Variants in LHFPL3 observed in about 807,000 individuals in gnomAD.
LHFPL3 encodes the protein LHFPL tetraspan subfamily member 3, also known as LHFPL tetraspan subfamily member 3 protein.
Under a neutral mutation model 19.3 loss-of-function variants are expected in LHFPL3, and 5 were observed. That is an observed-to-expected ratio of 0.26 (90% CI 0.14 to 0.54). The LOEUF is 0.54. Among genes scored for constraint, LHFPL3 ranks in the 20% least tolerant of loss-of-function variants. LHFPL3 has a pLI of 0.94. For missense variants in LHFPL3, 249 were observed against 307.4 expected (o/e 0.81, Z 1.42); for synonymous variants, 133 against 126.2 (o/e 1.05, Z -0.36).
intron 2 of LHFPL3, among the ~76,000 whole-genome samples, chr7:104,756,478 T>C (rs998740200): frequency 6.6e-6 from 1 of 152,156 alleles, no homozygotes; most frequent in African/African-American, 2.4e-5. Flanking sequence ...CTATATTACA[T>C]TTTAAGCACG....
At chr7:104,331,504 A>T (rs1801566529) in intron 1 of LHFPL3, among the ~76,000 whole-genome samples, 2 of 151,106 alleles carry the variant, frequency 1.3e-5, no homozygotes, top group African/African-American at 4.9e-5. Context: ...TCAAATAAGG[A>T]TCTGTCACTC....
chr7:104,737,666 A>T (rs1383662270), intron 2 of LHFPL3, among the ~76,000 whole-genome samples: 1 of 152,150 alleles, frequency 6.6e-6, no homozygotes, highest in Admixed American at 6.6e-5. Context: ...ATTTTTTGGG[A>T]TAGAATTTTG....
chr7:104,546,908 G>A (rs1328599439), intron 1 of LHFPL3, among the ~76,000 whole-genome samples: 1 of 152,196 alleles, frequency 6.6e-6, no homozygotes, highest in Non-Finnish European at 1.5e-5. Context: ...GAAAATGTAA[G>A]GTTTCTAGCA....
intron 1 of LHFPL3, among the ~76,000 whole-genome samples, chr7:104,459,425 T>G (rs1042902097): frequency 1.3e-5 from 2 of 152,126 alleles, no homozygotes; most frequent in Admixed American, 6.6e-5. Flanking sequence ...TTCAGAGGAG[T>G]CAAGATAATA....
chr7:104,553,061 A>T (rs1043682422), intron 1 of LHFPL3, among the ~76,000 whole-genome samples: 3 of 152,146 alleles, frequency 2.0e-5, no homozygotes, highest in Admixed American at 6.5e-5. Context: ...AACATGTATT[A>T]TGATTATGAT....
chr7:104,576,638 T>C (rs1790344131), intron 1 of LHFPL3, among the ~76,000 whole-genome samples: 2 of 151,932 alleles, frequency 1.3e-5, no homozygotes, highest in African/African-American at 2.4e-5. Context: ...AGAGTTGGGT[T>C]TTTTTGTTTG....
intron 1 of LHFPL3, among the ~76,000 whole-genome samples, chr7:104,535,381 G>C (rs923867058): frequency 2.0e-5 from 3 of 152,144 alleles, no homozygotes; most frequent in Non-Finnish European, 4.4e-5. Context: ...GTATCAAAAT[G>C]CAATTTCCAA....
At chr7:104,851,788 G>A (rs1045351034) in intron 2 of LHFPL3, among the ~76,000 whole-genome samples, 4 of 152,082 alleles carry the variant, frequency 2.6e-5, no homozygotes, top group Non-Finnish European at 5.9e-5. Flanking sequence ...TAAGAGACTT[G>A]GCGCTGAAGC....
At chr7:104,413,499 C>T (rs1791569615) in intron 1 of LHFPL3, among the ~76,000 whole-genome samples, 1 of 152,144 alleles carries the variant, frequency 6.6e-6, no homozygotes. Flanking sequence ...TGGAGAGATG[C>T]TATTATTATA....
At chr7:104,786,164 A>G (rs917507524) in intron 2 of LHFPL3, among the ~76,000 whole-genome samples, 2 of 152,224 alleles carry the variant, frequency 1.3e-5, no homozygotes, top group African/African-American at 4.8e-5. Flanking sequence ...TCATCTTTAA[A>G]AAATTCCCTC....
chr7:104,668,796 C>A, intron 1 of LHFPL3: 7 of 1,609,118 alleles, frequency 4.4e-6, no homozygotes, highest in Non-Finnish European at 5.9e-6. Context: ...GCTAGTAACT[C>A]CCAGTCCACT....
chr7:104,887,282 C>T (rs1280086361), intron 2 of LHFPL3, among the ~76,000 whole-genome samples: 2 of 152,136 alleles, frequency 1.3e-5, no homozygotes, highest in African/African-American at 4.8e-5. Context: ...TTGGGTTCCC[C>T]CATAGATAGA....
chr7:104,835,685 T>A (rs1246659090), intron 2 of LHFPL3, among the ~76,000 whole-genome samples: 2 of 151,940 alleles, frequency 1.3e-5, no homozygotes, highest in Non-Finnish European at 2.9e-5. Context: ...TGTATCAAAT[T>A]CTTCATATTG....
chr7:104,775,252 C>T (rs1178374138), intron 2 of LHFPL3, among the ~76,000 whole-genome samples: 6 of 152,126 alleles, frequency 3.9e-5, no homozygotes, highest in South Asian at 4.2e-4. Context: ...AAAAATTAGC[C>T]AGGCATTGTG....
chr7:104,493,129 A>G (rs1202388590), intron 1 of LHFPL3, among the ~76,000 whole-genome samples: 1 of 152,110 alleles, frequency 6.6e-6, no homozygotes, highest in Non-Finnish European at 1.5e-5. Flanking sequence ...ATGCCCTGGG[A>G]TCTCAAAGGT....
chr7:104,831,677 T>C (rs1790955333), intron 2 of LHFPL3, among the ~76,000 whole-genome samples: 1 of 151,682 alleles, frequency 6.6e-6, no homozygotes, highest in Admixed American at 6.6e-5. Context: ...ATTTGAAAAA[T>C]AAAAATGCAG....
intron 1 of LHFPL3, among the ~76,000 whole-genome samples, chr7:104,625,364 A>G (rs761889839): frequency 1.3e-5 from 2 of 152,180 alleles, no homozygotes; most frequent in Non-Finnish European, 2.9e-5. Context: ...ACAACAAACA[A>G]TTTTGCATTT....
intron 1 of LHFPL3, among the ~76,000 whole-genome samples, chr7:104,672,455 G>T (rs1792502658): frequency 6.6e-6 from 1 of 152,172 alleles, no homozygotes; most frequent in Admixed American, 6.5e-5. Context: ...ATGCTGGAAT[G>T]AATGCGTAAG....
intron 1 of LHFPL3, among the ~76,000 whole-genome samples, chr7:104,595,726 G>A (rs776103874): frequency 1.4e-4 from 22 of 152,244 alleles, no homozygotes; most frequent in Non-Finnish European, 2.6e-4. Flanking sequence ...CCCAGTTCGA[G>A]CTTCTTGGCC....
Sources: gnomAD v4.1 joint callset for allele counts (sites outside exome capture counted in the v4.1 genomes callset) on GRCh38, gnomAD v4.1.1 for gene constraint, MANE v1.5 for transcripts, NCBI Gene and HGNC (gene_info 2026-07-23, HGNC 2026-07-21) for gene names.